The following HMGB1 variants were observed in gnomAD, a reference collection of about 807,000 sequenced individuals.
HMGB1 encodes high mobility group box 1, also known as high mobility group protein B1.
For missense variants in HMGB1, 79 were observed against 253.5 expected, an observed-to-expected ratio of 0.31 and a Z score of 4.67; for synonymous variants, 81 against 84.0, an observed-to-expected ratio of 0.96 and a Z score of 0.19.
rs778026512 is a variant in HMGB1 at position 30,508,537 on chromosome 13, A to AAAAGG, written c.-14-44844_-14-44843insCCTTT. 3.3e-5 allele frequency among the ~76,000 whole-genome samples: 5 copies of AAAAGG among 149,806 alleles called. No individual in the cohort carries two copies. The South Asian group carries it at 1.0e-3, about 31-fold the overall frequency. ...AGAAAAAAAGAAAAGAAAAGAAAAG[A>AAAAGG]AAATGACAAAAAAGTAGGCCTTTGA... On this transcript the variant is annotated intron_variant, in intron 1 of 4. Transcript: ENST00000405805.
intron 1 of HMGB1, among the ~76,000 whole-genome samples, chr13:30,591,218 G>T (rs966488056): frequency 6.6e-6 from 1 of 151,870 alleles, no homozygotes; most frequent in Non-Finnish European, 1.5e-5. Context: ...TTTTAGTAGA[G>T]ACGGGGTTTC....
intron 1 of HMGB1, among the ~76,000 whole-genome samples, chr13:30,528,864 T>C (rs1383953529): frequency 1.3e-5 from 2 of 151,566 alleles, no homozygotes; most frequent in African/African-American, 4.8e-5. Context: ...CCGTCTCTAC[T>C]AAAAACACAA....
chr13:30,494,645 G>A (rs887330136), intron 1 of HMGB1, among the ~76,000 whole-genome samples: 1 of 152,236 alleles, frequency 6.6e-6, no homozygotes, highest in Non-Finnish European at 1.5e-5. Flanking sequence ...ACAGGCGTGA[G>A]CTACTGCTCC....
intron 1 of HMGB1, among the ~76,000 whole-genome samples, chr13:30,492,855 G>A (rs1887527660): frequency 6.6e-6 from 1 of 151,874 alleles, no homozygotes; most frequent in South Asian, 2.1e-4. Flanking sequence ...GCTGGGCGTG[G>A]TAGCGTGGGC....
chr13:30,596,563 G>C (rs1219897827), intron 1 of HMGB1, among the ~76,000 whole-genome samples: 1 of 152,226 alleles, frequency 6.6e-6, no homozygotes, highest in Non-Finnish European at 1.5e-5. Flanking sequence ...AGCAAGACTT[G>C]AGTTTAGAAC....
chr13:30,548,113 C>T (rs1038087451), intron 1 of HMGB1, among the ~76,000 whole-genome samples: 3 of 152,092 alleles, frequency 2.0e-5, no homozygotes, highest in African/African-American at 4.8e-5. Context: ...TGTGTCCTCA[C>T]CCAAATCTCA....
intron 1 of HMGB1, among the ~76,000 whole-genome samples, chr13:30,493,310 T>C (rs1887540568): frequency 6.6e-6 from 1 of 152,178 alleles, no homozygotes; most frequent in South Asian, 2.1e-4. Context: ...TTATGCTTAG[T>C]GAAATAAGTC....
At chr13:30,544,001 A>C (rs1246164298) in intron 1 of HMGB1, among the ~76,000 whole-genome samples, 5 of 152,208 alleles carry the variant, frequency 3.3e-5, no homozygotes, top group African/African-American at 4.8e-5. Context: ...TCAGAGCTTT[A>C]CTGGTCTGAG....
exon 1 of HMGB1, chr13:30,617,562 CA>C (rs887611866): frequency 1.3e-5 from 2 of 152,292 alleles, no homozygotes; most frequent in African/African-American, 4.8e-5. Context: ...GACGCGCAAG[CA>C]GGTCTCTTTC....
chr13:30,464,962 G>A (rs1219230235), intron 1 of HMGB1: 1 of 119,166 alleles, frequency 8.4e-6, no homozygotes, highest in East Asian at 2.9e-4. Context: ...GGGGCCGCCC[G>A]AGGGCCCACC....
chr13:30,466,675 T>G (rs1886797649), upstream of HMGB1, among the ~76,000 whole-genome samples: 1 of 152,236 alleles, frequency 6.6e-6, no homozygotes, highest in Admixed American at 6.5e-5. Flanking sequence ...ACAGCATGTC[T>G]AGAACTTTTT....
At chr13:30,522,701 TAGCTTGGGTTATG>T (rs1269431468) in intron 1 of HMGB1, among the ~76,000 whole-genome samples, 2 of 151,632 alleles carry the variant, frequency 1.3e-5, no homozygotes, top group Non-Finnish European at 2.9e-5. Context: ...GGCTCAGTTA[TAGCTTGGGTTATG>T]AAGGCAAACA....
chr13:30,579,215 C>G (rs1870793764), intron 1 of HMGB1, among the ~76,000 whole-genome samples: 1 of 152,196 alleles, frequency 6.6e-6, no homozygotes, highest in Non-Finnish European at 1.5e-5. Flanking sequence ...GTATATCATA[C>G]TGTCATACTA....
chr13:30,499,256 GC>G (rs1887683501), intron 1 of HMGB1, among the ~76,000 whole-genome samples: 1 of 152,104 alleles, frequency 6.6e-6, no homozygotes, highest in Admixed American at 6.5e-5. Flanking sequence ...GAGCCAATGT[GC>G]CCAGCCTGGA....
intron 1 of HMGB1, among the ~76,000 whole-genome samples, chr13:30,519,385 T>G (rs1485714109): frequency 2.2e-5 from 3 of 136,520 alleles, no homozygotes; most frequent in Admixed American, 1.5e-4. Context: ...AGAGTGACAC[T>G]CTGTCTCAAA....
intron 1 of HMGB1, among the ~76,000 whole-genome samples, chr13:30,514,895 T>C (rs1020076920): frequency 6.6e-6 from 1 of 152,222 alleles, no homozygotes. Flanking sequence ...TGACCTCCCC[T>C]AAGCCTCATC....
chr13:30,493,915 A>G (rs2137444441), intron 1 of HMGB1, among the ~76,000 whole-genome samples: 1 of 152,096 alleles, frequency 6.6e-6, no homozygotes, highest in African/African-American at 2.4e-5. Context: ...GGATTTCAAG[A>G]CCAGATTGGG....
chr13:30,582,212 T>A (rs1487435527), intron 1 of HMGB1, among the ~76,000 whole-genome samples: 2 of 152,236 alleles, frequency 1.3e-5, no homozygotes, highest in Non-Finnish European at 2.9e-5. Context: ...ATGGCCTCCA[T>A]ACTTTATTGG....
intron 1 of HMGB1, among the ~76,000 whole-genome samples, chr13:30,600,038 C>G (rs1323970841): frequency 1.3e-5 from 2 of 152,186 alleles, no homozygotes; most frequent in African/African-American, 4.8e-5. Flanking sequence ...TATATACAAA[C>G]TGTGGTAAGT....
Sources: allele counts gnomAD v4.1 joint callset (sites outside exome capture counted in the v4.1 genomes callset), GRCh38; gene constraint gnomAD v4.1.1; transcripts MANE v1.5; gene names NCBI Gene and HGNC (gene_info 2026-07-23, HGNC 2026-07-21).